Variants in LRMDA observed in about 807,000 individuals in gnomAD.
LRMDA encodes the protein leucine rich melanocyte differentiation associated.
A neutral mutation model predicts 29.8 loss-of-function variants in LRMDA; 18 were observed. That is an observed-to-expected ratio of 0.60 (90% CI 0.42 to 0.90). The LOEUF (loss-of-function observed/expected upper bound fraction) is 0.90, where lower values mean the gene tolerates loss of function less well. LRMDA is among the 40% of genes least tolerant of loss of function. The pLI is 0.00. For synonymous variants in LRMDA, 125 were observed against 109.4 expected, an observed-to-expected ratio of 1.14 and a Z score of -0.89; for missense variants, 273 against 273.9, an observed-to-expected ratio of 1.00 and a Z score of 0.02.
At chr10:76,224,300 T>G (rs1851908160) in intron 5 of LRMDA, among the ~76,000 whole-genome samples, 1 of 150,242 alleles carries the variant, frequency 6.7e-6, no homozygotes, top group Non-Finnish European at 1.5e-5. Flanking sequence ...GGGCCAGGCA[T>G]GATGGCTCAG....
At chr10:76,297,838 C>T (rs980005155) in intron 5 of LRMDA, among the ~76,000 whole-genome samples, 2 of 152,162 alleles carry the variant, frequency 1.3e-5, no homozygotes, top group African/African-American at 4.8e-5. Context: ...AAAGGATTAG[C>T]CTATGGCTAC....
intron 6 of LRMDA, among the ~76,000 whole-genome samples, chr10:76,474,608 A>G (rs1286849665): frequency 6.6e-6 from 1 of 151,796 alleles, no homozygotes; most frequent in Non-Finnish European, 1.5e-5. Flanking sequence ...GAAATAGCCA[A>G]TAAACACACC....
Position 76,210,000 on chromosome 10 carries a change from G to T in LRMDA, c.517-114401G>T, listed in dbSNP as rs78938748. Among the ~76,000 whole-genome samples, 7 of 152,210 alleles carry T rather than the reference G, an allele frequency of 4.6e-5. No homozygotes were observed. The East Asian group carries it at 9.7e-4, about 21-fold the overall frequency. ...GGAGATGCATAAAAAGTGTAAAAGCGCATAGCTACAAATGAGTGGGCAGAT... is the reference window on the plus strand; with the variant it reads ...GGAGATGCATAAAAAGTGTAAAAGCTCATAGCTACAAATGAGTGGGCAGAT... On this transcript the variant is annotated intron_variant, in intron 5 of 6. Coordinates refer to ENST00000611255, the MANE Select transcript of LRMDA (RefSeq NM_001305581.2).
intron 2 of LRMDA, among the ~76,000 whole-genome samples, chr10:75,846,177 TTGTGTGTGTGTGTGTGTGTGTGTG>T (rs59549881): frequency 7.0e-6 from 1 of 142,976 alleles, no homozygotes; most frequent in African/African-American, 2.6e-5. Flanking sequence ...GTGTGTGTGT[TTGTGTGTGTGTGTGTGTGTGTGTG>T]TGTGTGTGTG....
intron 2 of LRMDA, among the ~76,000 whole-genome samples, chr10:75,650,210 C>G (rs1347396778): frequency 6.6e-6 from 1 of 152,136 alleles, no homozygotes; most frequent in African/African-American, 2.4e-5. Context: ...TGTCATGAAG[C>G]TTTCCCCCTA....
chr10:76,515,983 C>T (rs1282530219), intron 6 of LRMDA, among the ~76,000 whole-genome samples: 1 of 152,080 alleles, frequency 6.6e-6, no homozygotes, highest in Non-Finnish European at 1.5e-5. Context: ...AGAGACAAAG[C>T]CTTGGACCCA....
At chr10:75,905,220 C>A (rs2132370462) in intron 2 of LRMDA, among the ~76,000 whole-genome samples, 1 of 149,802 alleles carries the variant, frequency 6.7e-6, no homozygotes, top group East Asian at 2.0e-4. Flanking sequence ...TTAAACTTCC[C>A]AGCTCTCTCC....
intron 2 of LRMDA, among the ~76,000 whole-genome samples, chr10:75,954,875 G>A (rs1846638493): frequency 6.6e-6 from 1 of 152,162 alleles, no homozygotes. Context: ...GTGAGTGGGA[G>A]AAGTTTTGGG....
intron 2 of LRMDA, among the ~76,000 whole-genome samples, chr10:75,585,372 T>C (rs2132079865): frequency 6.6e-6 from 1 of 152,372 alleles, no homozygotes; most frequent in African/African-American, 2.4e-5. Context: ...TGTTTGGATA[T>C]GCAAAATTTT....
At chr10:75,590,043 A>G (rs377281395) in intron 2 of LRMDA, among the ~76,000 whole-genome samples, 1 of 146,872 alleles carries the variant, frequency 6.8e-6, no homozygotes, top group African/African-American at 2.5e-5. Flanking sequence ...TTTTGAAGAT[A>G]GGGTCTCACT....
chr10:75,858,358 C>T (rs1178526787), intron 2 of LRMDA, among the ~76,000 whole-genome samples: 5 of 152,158 alleles, frequency 3.3e-5, no homozygotes, highest in African/African-American at 7.2e-5. Flanking sequence ...TGGTACCTGT[C>T]GCACCCTTCC....
chr10:75,689,307 T>G (rs1306500420), intron 2 of LRMDA, among the ~76,000 whole-genome samples: 2 of 152,234 alleles, frequency 1.3e-5, no homozygotes, highest in Non-Finnish European at 2.9e-5. Context: ...TCTGCATAAC[T>G]GTTGAAGCAA....
intron 5 of LRMDA, among the ~76,000 whole-genome samples, chr10:76,171,393 C>T (rs1193061622): frequency 2.0e-5 from 3 of 152,226 alleles, no homozygotes; most frequent in South Asian, 2.1e-4. Flanking sequence ...CCCGCCTTGG[C>T]CTCCCAAAGT....
At chr10:75,602,936 C>G (rs1467918101) in intron 2 of LRMDA, among the ~76,000 whole-genome samples, 2 of 152,144 alleles carry the variant, frequency 1.3e-5, no homozygotes, top group African/African-American at 4.8e-5. Flanking sequence ...AGCCCTGTCC[C>G]TCCTCATACT....
At position 75,480,466 on chromosome 10, in the gene LRMDA, A is replaced by C. The variant is rs1226774050; in HGVS notation, c.131+41972A>C. On this transcript the variant is annotated intron_variant, in intron 2 of 6. Coordinates refer to ENST00000611255, the MANE Select transcript of LRMDA (RefSeq NM_001305581.2). ...AGCAGGCGGCATGTCTGTCCTCATA[A>C]AGCTTGTATTTTAGTGAGGAGAGTT... is the stretch of plus-strand genomic sequence containing the variant. Among the ~76,000 whole-genome samples the C allele has an allele frequency of 2.0e-5, 3 of 151,412 alleles. No individual in the cohort carries two copies. The East Asian group carries it at 5.8e-4, about 29-fold the overall frequency.
At chr10:75,560,612 A>T (rs908274000) in intron 2 of LRMDA, among the ~76,000 whole-genome samples, 1 of 151,168 alleles carries the variant, frequency 6.6e-6, no homozygotes, top group Non-Finnish European at 1.5e-5. Context: ...GTCTTGTGCC[A>T]GTTTTCAAAG....
At position 75,795,796 on chromosome 10, in the gene LRMDA, G is replaced by A. The variant is rs370869369; in HGVS notation, c.132-240212G>A. 3.9e-5 allele frequency among the ~76,000 whole-genome samples: 6 copies of A among 152,232 alleles called. No homozygotes were observed. In the South Asian group the frequency reaches 1.0e-3, roughly 26 times the overall value. Reference sequence around the variant, plus strand: ...CCTGTCAATTAAAAAAGCCTGTGGGGTTTTGATTGGGATTTTATTGACTCT... The same window carrying A: ...CCTGTCAATTAAAAAAGCCTGTGGGATTTTGATTGGGATTTTATTGACTCT... On this transcript the variant is annotated intron_variant, in intron 2 of 6. Transcript: ENST00000611255.
At chr10:76,084,278 A>G (rs1056667250) in intron 5 of LRMDA, among the ~76,000 whole-genome samples, 2 of 150,378 alleles carry the variant, frequency 1.3e-5, no homozygotes, top group African/African-American at 4.9e-5. Flanking sequence ...GCTTACCACA[A>G]CCTCTGCCTC....
intron 2 of LRMDA, among the ~76,000 whole-genome samples, chr10:75,821,542 G>C (rs1844158128): frequency 6.6e-6 from 1 of 152,188 alleles, no homozygotes; most frequent in Admixed American, 6.5e-5. Context: ...GGCTGAGATG[G>C]GTGGATCACG....
Sources: allele counts gnomAD v4.1 joint callset (sites outside exome capture counted in the v4.1 genomes callset), GRCh38; gene constraint gnomAD v4.1.1; transcripts MANE v1.5; gene names NCBI Gene and HGNC (gene_info 2026-07-23, HGNC 2026-07-21).